The following ADAMTS3 variants were observed in gnomAD, a reference collection of about 807,000 sequenced individuals.
ADAMTS3 encodes the protein ADAM metallopeptidase with thrombospondin type 1 motif 3.
In ADAMTS3, 73 loss-of-function variants were observed where a neutral mutation model predicts 129.0. That is an observed-to-expected ratio of 0.57 (90% confidence interval 0.47 to 0.69). The LOEUF is 0.69. Ranked by LOEUF, ADAMTS3 falls within the 30% of genes least tolerant of loss-of-function variation. ADAMTS3 has a pLI of 0.00. For synonymous variants in ADAMTS3, 477 were observed against 510.8 expected, an observed-to-expected ratio of 0.93 and a Z score of 0.89; for missense variants, 1,457 against 1,514.5, an observed-to-expected ratio of 0.96 and a Z score of 0.63.
intron 4 of ADAMTS3, among the ~76,000 whole-genome samples, chr4:72,379,886 C>T (rs1393911642): frequency 6.6e-6 from 1 of 152,064 alleles, no homozygotes; most frequent in Non-Finnish European, 1.5e-5. Flanking sequence ...GACTTCCCTA[C>T]CCCAATCAAG....
At chr4:72,522,055 T>C (rs927516624) in intron 3 of ADAMTS3, among the ~76,000 whole-genome samples, 1 of 152,168 alleles carries the variant, frequency 6.6e-6, no homozygotes, top group South Asian at 2.1e-4. Context: ...CAGACTTCTA[T>C]AGGAATGAAC....
At chr4:72,338,554 C>T (rs984377006) in intron 5 of ADAMTS3, among the ~76,000 whole-genome samples, 17 of 151,800 alleles carry the variant, frequency 1.1e-4, no homozygotes, top group African/African-American at 3.4e-4. Flanking sequence ...AATTTTTCTC[C>T]TTCACTATCA....
intron 4 of ADAMTS3, among the ~76,000 whole-genome samples, chr4:72,404,466 G>A (rs1229833971): frequency 6.6e-6 from 1 of 152,052 alleles, no homozygotes; most frequent in Admixed American, 6.6e-5. Context: ...GCAAAAGAAT[G>A]TAATTGAACC....
chr4:72,493,048 T>C (rs1303851442), intron 3 of ADAMTS3, among the ~76,000 whole-genome samples: 2 of 151,918 alleles, frequency 1.3e-5, no homozygotes, highest in Non-Finnish European at 2.9e-5. Context: ...GCCACCAGTT[T>C]TCTTTTATTT....
intron 19 of ADAMTS3, among the ~76,000 whole-genome samples, chr4:72,291,341 G>A (rs927812680): frequency 1.3e-5 from 2 of 151,784 alleles, no homozygotes; most frequent in African/African-American, 4.8e-5. Flanking sequence ...ATGCTGGTGT[G>A]CTGCACCCAT....
At chr4:72,352,126 C>A (rs1720455572) in intron 4 of ADAMTS3, among the ~76,000 whole-genome samples, 1 of 151,786 alleles carries the variant, frequency 6.6e-6, no homozygotes, top group South Asian at 2.1e-4. Flanking sequence ...TCCAAGAAAC[C>A]TAAACATTTA....
intron 2 of ADAMTS3, among the ~76,000 whole-genome samples, chr4:72,559,952 G>T (rs970317176): frequency 6.6e-6 from 1 of 151,638 alleles, no homozygotes; most frequent in African/African-American, 2.4e-5. Flanking sequence ...TATACTACAA[G>T]GCTACAATAA....
rs541775733 is a variant in ADAMTS3 at position 72,564,520 on chromosome 4, A to ATATG, written c.97+2850_97+2853dup. On this transcript the variant is annotated intron_variant, in intron 2 of 21. Coordinates refer to ENST00000286657, the MANE Select transcript of ADAMTS3 (RefSeq NM_014243.3). ...GAAACATACTCAAACACACAGATAT[A>ATATG]TATGTATGTATGGGTATAGGTAGGT... Among the ~76,000 whole-genome samples, 252 of 152,318 alleles carry ATATG rather than the reference A, an allele frequency of 1.7e-3. 6 individuals are homozygous for ATATG. The South Asian group carries it at 0.05, about 30-fold the overall frequency.
intron 4 of ADAMTS3, among the ~76,000 whole-genome samples, chr4:72,346,725 G>A (rs1373256361): frequency 6.6e-6 from 1 of 151,770 alleles, no homozygotes; most frequent in Non-Finnish European, 1.5e-5. Context: ...CCTACTCGTT[G>A]TTATAGCTGA....
intron 4 of ADAMTS3, among the ~76,000 whole-genome samples, chr4:72,399,791 T>TAC (rs1560501196): frequency 1.7e-4 from 25 of 147,984 alleles, no homozygotes; most frequent in African/African-American, 4.1e-4. Flanking sequence ...TGTACGCATA[T>TAC]GTGTGTATAT....
intron 3 of ADAMTS3, among the ~76,000 whole-genome samples, chr4:72,472,750 G>T (rs1025506475): frequency 3.9e-5 from 6 of 152,244 alleles, no homozygotes; most frequent in African/African-American, 1.4e-4. Flanking sequence ...CCACATATAA[G>T]ATAGTCAAAA....
chr4:72,284,531 C>A lies in ADAMTS3; in HGVS notation c.3050-827G>T, dbSNP rs1009045587. Among the ~76,000 whole-genome samples the A allele has an allele frequency of 9.9e-5, 15 of 151,946 alleles. 1 individual carries two copies. The highest frequency in any genetic ancestry group is 1.5e-5 in the Non-Finnish European group (1 of 68,022). On this transcript the variant is annotated intron_variant, in intron 21 of 21. Transcript: ENST00000286657. ...TCTCAGATTATTTGTTATTTGAATG[C>A]ACAAATTTGGGTAAAGTATGCCAAA...
At chr4:72,420,446 C>T (rs1298330129) in intron 3 of ADAMTS3, among the ~76,000 whole-genome samples, 1 of 152,184 alleles carries the variant, frequency 6.6e-6, no homozygotes, top group Non-Finnish European at 1.5e-5. Context: ...GGTGTTGCTT[C>T]TCAAAGAGCA....
intron 3 of ADAMTS3, among the ~76,000 whole-genome samples, chr4:72,434,956 A>G (rs550178344): frequency 1.3e-5 from 2 of 151,958 alleles, no homozygotes; most frequent in East Asian, 3.9e-4. Context: ...GTGGATCTCA[A>G]TTAGCCACAA....
chr4:72,523,601 A>G (rs531452656), intron 3 of ADAMTS3, among the ~76,000 whole-genome samples: 46 of 152,166 alleles, frequency 3.0e-4, no homozygotes, highest in African/African-American at 1.0e-3. Context: ...TATATTTAAA[A>G]CTTTTCCATA....
At chr4:72,489,872 G>C (rs542699570) in intron 3 of ADAMTS3, among the ~76,000 whole-genome samples, 1 of 151,742 alleles carries the variant, frequency 6.6e-6, no homozygotes, top group Non-Finnish European at 1.5e-5. Flanking sequence ...GGAAGTTGCT[G>C]TATATATACC....
chr4:72,378,705 T>C (rs1337385462), intron 4 of ADAMTS3, among the ~76,000 whole-genome samples: 14 of 152,124 alleles, frequency 9.2e-5, no homozygotes, highest in South Asian at 4.1e-4. Flanking sequence ...CATTATCTTA[T>C]CTTTCTATTG....
At chr4:72,423,962 A>T (rs28520493) in intron 3 of ADAMTS3, among the ~76,000 whole-genome samples, 93,627 of 151,500 alleles carry the variant, frequency 0.62, 29,616 homozygotes, top group South Asian at 0.79. Context: ...GGGAATTTTT[A>T]TCTCTTTTGA....
At chr4:72,525,177 G>A (rs991120998) in intron 3 of ADAMTS3, among the ~76,000 whole-genome samples, 10 of 152,144 alleles carry the variant, frequency 6.6e-5, no homozygotes, top group African/African-American at 1.9e-4. Context: ...GTATCACACT[G>A]GGAAGAGAAA....
Sources: gnomAD v4.1 joint callset for allele counts (sites outside exome capture counted in the v4.1 genomes callset) on GRCh38, gnomAD v4.1.1 for gene constraint, MANE v1.5 for transcripts, NCBI Gene and HGNC (gene_info 2026-07-23, HGNC 2026-07-21) for gene names.